The following NHSL1 variants were observed in gnomAD, a reference collection of about 807,000 sequenced individuals.
NHSL1 encodes the protein NHS-like protein 1.
In NHSL1, 48 loss-of-function variants were observed where a neutral mutation model predicts 95.0. That is an observed-to-expected ratio of 0.51 (90% CI 0.40 to 0.64). The LOEUF is 0.64. NHSL1 is among the 30% of genes least tolerant of loss of function. The pLI is 0.00. For missense variants in NHSL1, 1,971 were observed against 2,077.7 expected (o/e 0.95, Z 1.00); for synonymous variants, 783 against 833.9 (o/e 0.94, Z 1.05).
Position 138,431,193 on chromosome 6 carries a change from A to G in NHSL1, c.3152T>C (p.Leu1051Ser), listed in dbSNP as rs1303599463. The stretch of plus-strand genomic sequence containing the variant: ...CTCCTCCTTGGTAGAAGGCGGCCTC[A>G]AGGATCCCCGGGAGGATTCTGGCTG... Reference protein sequence around the residue: ...SGQPESSRGSLRPPSTKEETS... With the variant: ...SGQPESSRGSSRPPSTKEETS... Residue 1051 changes from leucine to serine, a missense_variant, in exon 6 of 8, where the codon TTG becomes TCG. Physicochemically the swap from Leu to Ser is moderately radical, Grantham distance 145. Coordinates refer to ENST00000343505, the MANE Select transcript of NHSL1 (RefSeq NM_001144060.2). This position sits in a 1 kb window ranked among gnomAD's most constrained non-coding sequence, Gnocchi z 4.0. 5 of 1,545,694 alleles carry G rather than the reference A, an allele frequency of 3.2e-6. No individual in the cohort carries two copies. The highest frequency in any genetic ancestry group is 4.4e-6 in the Non-Finnish European group (5 of 1,142,974).
chr6:138,662,697 A>C (rs6933459), intron 1 of NHSL1, among the ~76,000 whole-genome samples: 1 of 152,184 alleles, frequency 6.6e-6, no homozygotes, highest in Non-Finnish European at 1.5e-5. Context: ...TCAAACAAGC[A>C]TGGATATATG....
chr6:138,488,848 T>A (rs1011163597), intron 2 of NHSL1, among the ~76,000 whole-genome samples: 4 of 152,188 alleles, frequency 2.6e-5, no homozygotes, highest in Non-Finnish European at 5.9e-5. Flanking sequence ...GAGATCAGAA[T>A]AGGCCAGCAT....
At chr6:138,524,637 T>C (rs1333778553) in intron 1 of NHSL1, among the ~76,000 whole-genome samples, 1 of 152,182 alleles carries the variant, frequency 6.6e-6, no homozygotes, top group African/African-American at 2.4e-5. Context: ...AATAGTGCAC[T>C]ATGAACATTC....
chr6:138,518,799 C>T (rs1160090700), intron 1 of NHSL1, among the ~76,000 whole-genome samples: 7 of 152,160 alleles, frequency 4.6e-5, no homozygotes, highest in Admixed American at 3.9e-4. Context: ...CAGCAGATCG[C>T]CTGAGGTCAG....
chr6:138,466,300 C>T (rs769508004), intron 3 of NHSL1, among the ~76,000 whole-genome samples: 11 of 152,156 alleles, frequency 7.2e-5, no homozygotes, highest in Non-Finnish European at 5.9e-5. Flanking sequence ...CTCAGCCTCC[C>T]GAAGTGCTGG....
chr6:138,445,225 C>T (rs1776788208), intron 4 of NHSL1, among the ~76,000 whole-genome samples: 1 of 152,152 alleles, frequency 6.6e-6, no homozygotes, highest in Admixed American at 6.5e-5. Flanking sequence ...TGTCATATTT[C>T]ATTGCACAAT....
chr6:138,628,690 G>A (rs1329576834), intron 1 of NHSL1, among the ~76,000 whole-genome samples: 1 of 152,246 alleles, frequency 6.6e-6, no homozygotes, highest in Non-Finnish European at 1.5e-5. Flanking sequence ...GGAGGTTGTA[G>A]TGAGCTGAGA....
At chr6:138,669,580 T>C (rs1204709908) in intron 1 of NHSL1, among the ~76,000 whole-genome samples, 3 of 152,178 alleles carry the variant, frequency 2.0e-5, no homozygotes, top group East Asian at 3.8e-4. Flanking sequence ...GTGGCCACCC[T>C]TCCCATCCTG....
chr6:138,517,088 C>G (rs1367896073), intron 1 of NHSL1, among the ~76,000 whole-genome samples: 2 of 152,180 alleles, frequency 1.3e-5, no homozygotes, highest in African/African-American at 2.4e-5. Context: ...CTATCTTCTG[C>G]ACAATGATTT....
chr6:138,600,627 C>G (rs1442163987), intron 1 of NHSL1, among the ~76,000 whole-genome samples: 1 of 152,166 alleles, frequency 6.6e-6, no homozygotes, highest in East Asian at 1.9e-4. Context: ...CATGAAATTA[C>G]TATCAATTTA....
At chr6:138,475,432 T>A (rs562099794) in intron 2 of NHSL1, among the ~76,000 whole-genome samples, 1 of 152,164 alleles carries the variant, frequency 6.6e-6, no homozygotes, top group South Asian at 2.1e-4. Flanking sequence ...CTCACTATGT[T>A]ACCTAGGCTG....
chr6:138,448,218 A>G (rs1380448154), intron 3 of NHSL1, among the ~76,000 whole-genome samples: 3 of 152,218 alleles, frequency 2.0e-5, no homozygotes, highest in Non-Finnish European at 4.4e-5. Flanking sequence ...GATGGACTTC[A>G]GCCTGGCTCC....
chr6:138,571,842 T>C, exon 1 of NHSL1: 1 of 1,551,864 alleles, frequency 6.4e-7, no homozygotes, highest in Non-Finnish European at 8.7e-7. Context: ...TTTATCCAAC[T>C]TACAGCACGT....
intron 5 of NHSL1, among the ~76,000 whole-genome samples, chr6:138,435,996 T>C (rs1353216381): frequency 6.6e-6 from 1 of 152,160 alleles, no homozygotes; most frequent in Non-Finnish European, 1.5e-5. Flanking sequence ...ATATGTTGTG[T>C]GTGTTCTGAC....
chr6:138,511,755 G>T (rs1471495760), intron 1 of NHSL1, among the ~76,000 whole-genome samples: 1 of 152,116 alleles, frequency 6.6e-6, no homozygotes, highest in Non-Finnish European at 1.5e-5. Flanking sequence ...GGGCAACATG[G>T]CAAAAACCCG....
At chr6:138,437,795 G>A (rs998490539) in intron 5 of NHSL1, among the ~76,000 whole-genome samples, 2 of 152,172 alleles carry the variant, frequency 1.3e-5, no homozygotes, top group African/African-American at 4.8e-5. Flanking sequence ...AGAGGATCAA[G>A]ACTGAAGTGA....
chr6:138,546,448 A>AAAAAAAAAAAC (rs1782803001), upstream of NHSL1, among the ~76,000 whole-genome samples: 2 of 142,012 alleles, frequency 1.4e-5, no homozygotes, highest in African/African-American at 5.9e-5. Flanking sequence ...AAAAAAAAAA[A>AAAAAAAAAAAC]AAAAAAAAAA....
chr6:138,655,304 G>A (rs745864980), intron 1 of NHSL1, among the ~76,000 whole-genome samples: 1 of 152,192 alleles, frequency 6.6e-6, no homozygotes, highest in Non-Finnish European at 1.5e-5. Flanking sequence ...CGCAGGACTT[G>A]TAGAAATGTT....
intron 1 of NHSL1, among the ~76,000 whole-genome samples, chr6:138,529,141 C>G (rs1446331382): frequency 1.3e-5 from 2 of 152,178 alleles, no homozygotes; most frequent in Non-Finnish European, 2.9e-5. Flanking sequence ...CTTTAGAAGT[C>G]TGAGACACAC....
Sources: gnomAD v4.1 joint callset for allele counts (sites outside exome capture counted in the v4.1 genomes callset) on GRCh38, gnomAD v4.1.1 for gene constraint, Gnocchi (gnomAD v3.1) non-coding constraint, MANE v1.5 for transcripts, NCBI Gene and HGNC (gene_info 2026-07-23, HGNC 2026-07-21) for gene names.